The following ATP8A1 variants were observed in gnomAD, a reference collection of about 807,000 sequenced individuals.
ATP8A1 encodes phospholipid-transporting ATPase IA.
In ATP8A1, 90 loss-of-function variants were observed where a neutral mutation model predicts 177.7. The observed-to-expected ratio is 0.51, with a 90% CI of 0.43 to 0.60. ATP8A1 has a LOEUF of 0.60. Ranked by LOEUF, ATP8A1 falls within the 20% of genes least tolerant of loss-of-function variation. The probability of loss-of-function intolerance (pLI) is 0.00; values close to 1 mark genes in which losing one functional copy is unlikely to be tolerated. For missense variants in ATP8A1, 1,072 were observed against 1,392.8 expected, an observed-to-expected ratio of 0.77 and a Z score of 3.67; for synonymous variants, 493 against 485.9, an observed-to-expected ratio of 1.01 and a Z score of -0.19.
intron 26 of ATP8A1, 37 bp downstream of exon 26, chr4:42,464,856 G>C (rs369124695): frequency 1.2e-6 from 2 of 1,612,228 alleles, no homozygotes; most frequent in Non-Finnish European, 1.7e-6. Flanking sequence ...TCAGTTGACT[G>C]AGAGGAATGA....
intron 22 of ATP8A1, among the ~76,000 whole-genome samples, chr4:42,508,276 G>C (rs1475453751): frequency 6.6e-6 from 1 of 152,144 alleles, no homozygotes; most frequent in African/African-American, 2.4e-5. Flanking sequence ...TGGATTATAG[G>C]TACGTGCCAC....
chr4:42,576,221 C>T (rs567510662), intron 12 of ATP8A1, among the ~76,000 whole-genome samples: 1 of 152,052 alleles, frequency 6.6e-6, no homozygotes, highest in Admixed American at 6.5e-5. Context: ...CCTATAATCC[C>T]AGCACTTTGG....
intron 1 of ATP8A1, chr4:42,637,284 A>C: frequency 4.0e-6 from 2 of 500,892 alleles, no homozygotes; most frequent in South Asian, 1.5e-5. Context: ...TCTGATGTTA[A>C]CAGCTGCCCT....
rs557166116 is a variant in ATP8A1 at position 42,621,950 on chromosome 4, C to T, written c.363+2586G>A. Among the ~76,000 whole-genome samples, 7 of 152,142 alleles carry T rather than the reference C, an allele frequency of 4.6e-5. No homozygotes were observed. In the East Asian group the frequency reaches 9.7e-4, roughly 21 times the overall value. ...TGCACACCTACAACCATCTGATCTTCGACAAAGCTGACAAAAACAAGCAAT... is the reference window on the plus strand; with the variant it reads ...TGCACACCTACAACCATCTGATCTTTGACAAAGCTGACAAAAACAAGCAAT... On this transcript the variant is annotated intron_variant, in intron 4 of 36. Transcript: ENST00000381668.
intron 8 of ATP8A1, 101 bp from the exon 9 acceptor site, chr4:42,586,577 T>TC (rs2109356852): frequency 1.7e-6 from 2 of 1,154,204 alleles, no homozygotes; most frequent in African/African-American, 1.6e-5. Context: ...ATCTAAAAGA[T>TC]CCCATTATTT....
chr4:42,629,146 G>A (rs1738448544), intron 1 of ATP8A1, among the ~76,000 whole-genome samples: 1 of 152,132 alleles, frequency 6.6e-6, no homozygotes, highest in African/African-American at 2.4e-5. Flanking sequence ...TAAAGGGACT[G>A]GAATTAACCC....
chr4:42,525,873 G>C lies in ATP8A1; in HGVS notation c.1723-1026C>G, dbSNP rs143560209. On this transcript the variant is annotated intron_variant, in intron 20 of 36. Coordinates refer to ENST00000381668, the MANE Select transcript of ATP8A1 (RefSeq NM_006095.2). ...ACAACTTAGTGACCTCAGAACAGAT[G>C]GAGTATTCCAAGCCGCAATTCTGAA... 7.1e-3 allele frequency among the ~76,000 whole-genome samples: 1,077 copies of C among 152,108 alleles called. 10 individuals are homozygous for C. Among genetic ancestry groups the C allele is most frequent in the Non-Finnish European group, 0.011 (777 of 67,994 alleles).
At chr4:42,524,995 A>G (rs1726538419) in intron 20 of ATP8A1, 148 bp from the exon 21 acceptor site, 1 of 521,018 alleles carries the variant, frequency 1.9e-6, no homozygotes, top group African/African-American at 1.9e-5. Context: ...TTTTTGTCTA[A>G]TAATACTATT....
At chr4:42,527,240 A>C (rs1337701399) in intron 20 of ATP8A1, among the ~76,000 whole-genome samples, 1 of 152,186 alleles carries the variant, frequency 6.6e-6, no homozygotes, top group African/African-American at 2.4e-5. Context: ...AGCTGTTATC[A>C]TGCGAATGGC....
intron 5 of ATP8A1, among the ~76,000 whole-genome samples, chr4:42,610,810 A>T (rs1437701430): frequency 6.6e-6 from 1 of 152,194 alleles, no homozygotes; most frequent in Non-Finnish European, 1.5e-5. Flanking sequence ...AGGATCACTG[A>T]AACACTACTT....
chr4:42,467,277 G>C (rs1266225902), intron 25 of ATP8A1, among the ~76,000 whole-genome samples: 2 of 152,144 alleles, frequency 1.3e-5, no homozygotes, highest in African/African-American at 4.8e-5. Context: ...GTGTTAAAGA[G>C]TAGGATTGCC....
At chr4:42,539,173 A>G (rs541450652) in intron 20 of ATP8A1, among the ~76,000 whole-genome samples, 32 of 152,216 alleles carry the variant, frequency 2.1e-4, no homozygotes, top group African/African-American at 6.5e-4. Flanking sequence ...ACCAAACATC[A>G]TATGTTCTCA....
At chr4:42,427,751 A>C (rs1050908507) in intron 33 of ATP8A1, among the ~76,000 whole-genome samples, 4 of 152,264 alleles carry the variant, frequency 2.6e-5, no homozygotes, top group African/African-American at 9.6e-5. Flanking sequence ...GTAAAGGTGA[A>C]AAGAAACCAT....
intron 24 of ATP8A1, among the ~76,000 whole-genome samples, chr4:42,502,511 G>C (rs1306087414): frequency 1.3e-5 from 2 of 152,180 alleles, no homozygotes; most frequent in Non-Finnish European, 2.9e-5. Context: ...CGCTACGGAA[G>C]GTAAATGCCC....
intron 1 of ATP8A1, among the ~76,000 whole-genome samples, chr4:42,636,545 A>T (rs183722892): frequency 6.6e-6 from 1 of 152,326 alleles, no homozygotes; most frequent in Admixed American, 6.5e-5. Flanking sequence ...AAAGCATGGA[A>T]ATTAAAATGG....
chr4:42,624,690 A>G, intron 3 of ATP8A1, 56 bp from the exon 4 acceptor site: 1 of 991,232 alleles, frequency 1.0e-6, no homozygotes, highest in African/African-American at 1.7e-5. Flanking sequence ...AATTTATAAT[A>G]GATTCAAGAA....
chr4:42,438,868 G>A (rs555070553), intron 33 of ATP8A1, among the ~76,000 whole-genome samples: 2 of 152,286 alleles, frequency 1.3e-5, no homozygotes, highest in South Asian at 2.1e-4. Context: ...TTTGGAACAT[G>A]AGTTTAGCGA....
At chr4:42,650,381 C>T (rs1022208153) in intron 1 of ATP8A1, among the ~76,000 whole-genome samples, 1 of 152,182 alleles carries the variant, frequency 6.6e-6, no homozygotes. Flanking sequence ...TACTCATCTC[C>T]ATGTTTCCTT....
At chr4:42,553,053 G>A (rs548614343) in intron 16 of ATP8A1, among the ~76,000 whole-genome samples, 1 of 152,218 alleles carries the variant, frequency 6.6e-6, no homozygotes, top group South Asian at 2.1e-4. Flanking sequence ...ATACACTGGG[G>A]GTGTGGGATT....
Sources: gnomAD v4.1 joint callset for allele counts (sites outside exome capture counted in the v4.1 genomes callset) on GRCh38, gnomAD v4.1.1 for gene constraint, MANE v1.5 for transcripts, NCBI Gene and HGNC (gene_info 2026-07-23, HGNC 2026-07-21) for gene names.